Variants in ITGA10 observed in about 807,000 individuals in gnomAD.
The protein encoded by ITGA10 is integrin subunit alpha 10, also known as integrin alpha-10.
A neutral mutation model predicts 145.2 loss-of-function variants in ITGA10; 105 were observed. The observed-to-expected ratio is 0.72, with a 90% CI of 0.62 to 0.85. ITGA10 has a LOEUF of 0.85. Ranked by LOEUF, ITGA10 falls within the 40% of genes least tolerant of loss-of-function variation. ITGA10 has a pLI of 0.00. For synonymous variants in ITGA10, 506 were observed against 557.8 expected (o/e 0.91, Z 1.31); for missense variants, 1,317 against 1,444.5 (o/e 0.91, Z 1.43).
chr1:145,909,191 T>A (rs1657519780), intron 1 of ITGA10, among the ~76,000 whole-genome samples: 1 of 151,012 alleles, frequency 6.6e-6, no homozygotes, highest in Admixed American at 6.6e-5. Flanking sequence ...TCCCAGCTAC[T>A]CGGGAGGCTA....
intron 7 of ITGA10, 110 bp downstream of exon 7, chr1:145,903,942 C>T: frequency 1.6e-6 from 2 of 1,247,228 alleles, no homozygotes; most frequent in Non-Finnish European, 2.3e-6. Flanking sequence ...GCCTGCCTTG[C>T]CTCCCAAAGT....
At position 145,904,785 on chromosome 1, in the gene ITGA10, T is replaced by C. The variant is rs1559210770; in HGVS notation, c.508A>G (p.Ile170Val). 2.5e-6 allele frequency: 4 copies of C among 1,613,784 alleles called. No homozygotes were observed. Among genetic ancestry groups the C allele is most frequent in the Non-Finnish European group, 3.4e-6 (4 of 1,179,864 alleles). ...ATGCTGTTGGAGCCATCCAAGACAA[T>C]GACAACATCCATGTATGTTGGGCAG... The part of the protein sequence containing the change: ...QRCPTYMDVV[I>V]VLDGSNSIYP... The change falls in exon 6 of 30, where the codon ATT becomes GTT. Residue 170 changes from isoleucine to valine, a missense_variant. Coordinates refer to ENST00000369304, the MANE Select transcript of ITGA10 (RefSeq NM_003637.5).
chr1:145,896,255 T>C lies in ITGA10; in HGVS notation c.2919+13A>G, dbSNP rs782093501. The C allele has an allele frequency of 2.0e-5, 32 of 1,605,926 alleles. No individual in the cohort carries two copies. Among genetic ancestry groups the C allele is most frequent in the East Asian group, 6.7e-5 (3 of 44,842 alleles). On this transcript the variant is annotated intron_variant, in intron 24 of 29. Transcript: ENST00000369304. Reference sequence around the variant, plus strand: ...CACATTCTCCTCATGCCAAGACCCCTCCAGCTTCTCACCCTGAGAGTGGTT... The same window carrying C: ...CACATTCTCCTCATGCCAAGACCCCCCCAGCTTCTCACCCTGAGAGTGGTT...
In ITGA10 at chr1:145,896,332, T is replaced by C; in HGVS notation, c.2855A>G (p.Tyr952Cys). 6.2e-7 allele frequency: 1 copy of C among 1,613,982 alleles called. No homozygotes were observed. Among genetic ancestry groups the C allele is most frequent in the Non-Finnish European group, 8.5e-7 (1 of 1,179,850 alleles). Residue 952 changes from tyrosine to cysteine, a missense_variant, in exon 24 of 30, where the codon TAT becomes TGT. Physicochemically the swap from Tyr to Cys is radical, Grantham distance 194 (BLOSUM62 -2). Coordinates refer to ENST00000369304, the MANE Select transcript of ITGA10 (RefSeq NM_003637.5). The part of the protein sequence containing the change: ...LFSSESTLHR[Y>C]EVHPYGTLPV... ...GAGGGTCCCATATGGGTGAACCTCA[T>C]AGCGGTGCAGGGTAGACTCACTGTG...
chr1:145,909,974 A>C lies in ITGA10; in HGVS notation c.41T>G (p.Val14Gly), dbSNP rs376315271. Residue 14 changes from valine to glycine, a missense_variant, in exon 1 of 30, where the codon GTG (valine) becomes GGG (glycine). Physicochemically the swap from Val to Gly is moderately radical, Grantham distance 109. Coordinates refer to ENST00000369304, the MANE Select transcript of ITGA10 (RefSeq NM_003637.5). The part of the protein sequence containing the change: ...PFVTHLFLPL[V>G]FLTGLCSPFN... The stretch of plus-strand genomic sequence containing the variant: ...TTAACTTCCCTCACCTGTCAGGAAC[A>C]CCAGGGGCAAGAACAGGTGAGTGAC... 13 of 1,613,392 alleles carry C rather than the reference A, an allele frequency of 8.1e-6. No homozygotes were observed. Among genetic ancestry groups the C allele is most frequent in the Non-Finnish European group, 1.1e-5 (13 of 1,179,598 alleles).
Position 145,904,732 on chromosome 1 carries a change from G to A in ITGA10, c.561C>T (p.Phe187=). The stretch of plus-strand genomic sequence containing the variant: ...ACAGTTTCCCTACCAGTCTTCGTAG[G>A]AAGGTCTGAACTTCAGACCAGGGGT... ...SIYPWSEVQT[F]LRRLVGKLFI... The change falls in exon 6 of 30, where the codon TTC becomes TTT. Residue 187 remains phenylalanine (F), a synonymous_variant. Transcript: ENST00000369304. 6.2e-7 allele frequency: 1 copy of A among 1,613,914 alleles called. No individual in the cohort carries two copies. Among genetic ancestry groups the A allele is most frequent in the Non-Finnish European group, 8.5e-7 (1 of 1,179,852 alleles).
In ITGA10 at chr1:145,902,849, C is replaced by A. The variant is rs782243985; in HGVS notation, c.871G>T (p.Ala291Ser). 2.5e-6 allele frequency: 4 copies of A among 1,613,708 alleles called. No homozygotes were observed. Among genetic ancestry groups the A allele is most frequent in the Admixed American group, 1.7e-5 (1 of 59,950 alleles). ...CGTGTCACTCTTCCAGCCTCACAGG[C>A]CTTTAGTGCTGCAGGAAGCTCCTCT... The part of the protein sequence containing the change: ...DGEELPAALK[A>S]CEAGRVTRYG... The change falls in exon 8 of 30, where the codon GCC (alanine) becomes TCC (serine). Residue 291 changes from alanine (A) to serine (S), a missense_variant. Coordinates refer to ENST00000369304, the MANE Select transcript of ITGA10 (RefSeq NM_003637.5).
chr1:145,905,577 C>CTACTCTTTTCCACAACATT (rs1657024337), intron 5 of ITGA10, among the ~76,000 whole-genome samples: 1 of 149,458 alleles, frequency 6.7e-6, no homozygotes, highest in Non-Finnish European at 1.5e-5. Flanking sequence ...CCACGCCTGG[C>CTACTCTTTTCCACAACATT]CCATTTTGTT....
In ITGA10 at chr1:145,900,881, A is replaced by G. The variant is rs1216352532; in HGVS notation, c.1700T>C (p.Val567Ala). Reference sequence around the variant, plus strand: ...ATCTTCCAGAGGCGCCCCCACAGCCACATCAGCAAAACCATCTTGGTTCAG... The same window carrying G: ...ATCTTCCAGAGGCGCCCCCACAGCCGCATCAGCAAAACCATCTTGGTTCAG... ...PDLNQDGFAD[V>A]AVGAPLEDGH... The change falls in exon 14 of 30, where the codon GTG becomes GCG. Residue 567 changes from valine to alanine, a missense_variant. Val to Ala is a moderately conservative substitution (Grantham distance 64). Transcript: ENST00000369304. 5.6e-6 allele frequency: 9 copies of G among 1,613,998 alleles called. No homozygotes were observed. Among genetic ancestry groups the G allele is most frequent in the Non-Finnish European group, 7.6e-6 (9 of 1,180,052 alleles).
rs782225001 is a variant in ITGA10 at position 145,895,639 on chromosome 1, T to G, written c.3106A>C (p.Asn1036His). The G allele has an allele frequency of 1.2e-6, 2 of 1,614,122 alleles. No homozygotes were observed. The highest frequency in any genetic ancestry group is 2.2e-5 in the South Asian group (2 of 91,084). The change falls in exon 26 of 30, where the codon AAC becomes CAC. Residue 1036 changes from asparagine (N) to histidine (H), a missense_variant. Coordinates refer to ENST00000369304, the MANE Select transcript of ITGA10 (RefSeq NM_003637.5). ...CCCTTTGTGACTCATACCAGTCTGT[T>G]TGTGTGTTGAAGCTCCTCTGGATGC... ...PVHPEELQHT[N>H]RLNGSNTQCQ...
At chr1:145,893,404 AG>A in intron 28 of ITGA10, 130 bp from the exon 29 acceptor site, 2 of 940,346 alleles carry the variant, frequency 2.1e-6, no homozygotes, top group South Asian at 2.9e-5. Context: ...AAACTGAGGC[AG>A]GAATGGCGGC....
Position 145,895,131 on chromosome 1 carries a change from G to A in ITGA10, c.3228+149C>T, listed in dbSNP as rs1289798139. On this transcript the variant is annotated intron_variant, in intron 27 of 29. Coordinates refer to ENST00000369304, the MANE Select transcript of ITGA10 (RefSeq NM_003637.5). Reference sequence around the variant, plus strand: ...CCATTTTAGAGATTAGGAAAAAGAGGCTTAGAGAGATGAAATAACTTGCTC... The same window carrying A: ...CCATTTTAGAGATTAGGAAAAAGAGACTTAGAGAGATGAAATAACTTGCTC... The A allele has an allele frequency of 1.9e-5, 11 of 588,030 alleles. No individual in the cohort carries two copies. In the African/African-American group the frequency reaches 2.1e-4, roughly 11 times the overall value. The allele number at this position is 588,030 out of a possible 1,614,324, so 36.4% of individuals were successfully genotyped here.
In ITGA10 at chr1:145,897,089, TA is replaced by T. The variant is rs1334062393; in HGVS notation, c.2668-3del. ...CTCAAACTCTAGCAGAAAGGTCACC[TA>T]GGGGCAGGGGACACAGGGTAATGGT... On this transcript the variant is annotated splice_polypyrimidine_tract_variant and splice_region_variant and intron_variant, in intron 21 of 29. Coordinates refer to ENST00000369304, the MANE Select transcript of ITGA10 (RefSeq NM_003637.5). 1.2e-6 allele frequency: 2 copies of T among 1,613,338 alleles called. No individual in the cohort carries two copies. The highest frequency in any genetic ancestry group is 1.7e-6 in the Non-Finnish European group (2 of 1,179,292).
chr1:145,907,343 T>C lies in ITGA10; in HGVS notation c.164+11A>G. 6.2e-7 allele frequency: 1 copy of C among 1,614,182 alleles called. No individual in the cohort carries two copies. Among genetic ancestry groups the C allele is most frequent in the Non-Finnish European group, 8.5e-7 (1 of 1,180,028 alleles). On this transcript the variant is annotated intron_variant, in intron 2 of 29. Transcript: ENST00000369304. ...AGTCCCAATCCCCTGGCACTCCGGT[T>C]TCTTCCTCACCATCGCTGTCCACCC... is the stretch of plus-strand genomic sequence containing the variant.
intron 28 of ITGA10, 77 bp downstream of exon 28, chr1:145,893,462 GA>G: frequency 8.2e-7 from 1 of 1,215,002 alleles, no homozygotes; most frequent in Non-Finnish European, 1.2e-6. Flanking sequence ...CCTTCGTTCT[GA>G]AAAAGCCCAC....
chr1:145,900,185 C>A lies in ITGA10; in HGVS notation c.1794G>T (p.Arg598Ser). Residue 598 changes from arginine to serine, a missense_variant and splice_region_variant, in exon 15 of 30, where the codon AGG (arginine) becomes AGT (serine). By Grantham distance (110) the Arg-to-Ser change is moderately radical. Coordinates refer to ENST00000369304, the MANE Select transcript of ITGA10 (RefSeq NM_003637.5). ...CATGTGGCATGGAGGCAGCAGCAAT[C>A]CTCTGAGAGGAAGAGAGAGAATACT... is the stretch of plus-strand genomic sequence containing the variant. ...QSGVRPHPAQRIAAASMPHAL... is the reference protein window; with the variant it reads ...QSGVRPHPAQSIAAASMPHAL... 3 of 1,612,132 alleles carry A rather than the reference C, an allele frequency of 1.9e-6. No individual in the cohort carries two copies. The highest frequency in any genetic ancestry group is 2.5e-6 in the Non-Finnish European group (3 of 1,179,060).
At chr1:145,897,949 A>T (rs1655672930) in intron 18 of ITGA10, 49 bp from the exon 19 acceptor site, 6 of 1,507,198 alleles carry the variant, frequency 4.0e-6, no homozygotes, top group Non-Finnish European at 4.6e-6. Context: ...CAAGGAGGAA[A>T]GGAATAGAAT....
Position 145,895,994 on chromosome 1 carries a change from T to G in ITGA10, c.3022A>C (p.Ile1008Leu). ...GNYFLSLSQV[I>L]TNNASCIVQN... ...TAGACCAGACTCACATTGTTAGTGA[T>G]GACTTGAGACAGTGATAGGAAGTAA... The change falls in exon 25 of 30, where the codon ATC (isoleucine) becomes CTC (leucine). Residue 1008 changes from isoleucine (I) to leucine (L), a missense_variant. Coordinates refer to ENST00000369304, the MANE Select transcript of ITGA10 (RefSeq NM_003637.5). The G allele has an allele frequency of 1.2e-6, 2 of 1,612,826 alleles. No individual in the cohort carries two copies. The highest frequency in any genetic ancestry group is 1.7e-6 in the Non-Finnish European group (2 of 1,178,890).
At chr1:145,898,077 T>C in intron 18 of ITGA10, 33 bp downstream of exon 18, 1 of 1,501,032 alleles carries the variant, frequency 6.7e-7, no homozygotes, top group Non-Finnish European at 9.3e-7. Context: ...AGGGCAGTGT[T>C]GGGAGCAAGG....
Sources: gnomAD v4.1 joint callset for allele counts (sites outside exome capture counted in the v4.1 genomes callset) on GRCh38, gnomAD v4.1.1 for gene constraint, MANE v1.5 for transcripts, NCBI Gene and HGNC (gene_info 2026-07-23, HGNC 2026-07-21) for gene names.